GARRE1: variants seen among roughly 807,000 people sequenced by gnomAD.
GARRE1 encodes the protein granule associated Rac and RHOG effector protein 1.
In GARRE1, 49 loss-of-function variants were observed where a neutral mutation model predicts 103.2. The ratio of observed to expected loss-of-function variants is 0.47; its 90% CI spans 0.38 to 0.60. The LOEUF (loss-of-function observed/expected upper bound fraction) is 0.60, where lower values mean the gene tolerates loss of function less well. Ranked by LOEUF, GARRE1 falls within the 20% of genes least tolerant of loss-of-function variation. The pLI is 0.00. For missense variants in GARRE1, 1,199 were observed against 1,370.5 expected (o/e 0.87, Z 1.98); for synonymous variants, 505 against 532.8 (o/e 0.95, Z 0.72).
chr19:34,331,939 C>T (rs566244147), intron 7 of GARRE1, among the ~76,000 whole-genome samples: 2 of 150,706 alleles, frequency 1.3e-5, no homozygotes, highest in African/African-American at 2.4e-5. Flanking sequence ...TGCAGTGAGC[C>T]GAGATTGTGC....
chr19:34,259,188 T>C (rs1055778843), intron 1 of GARRE1, among the ~76,000 whole-genome samples: 1 of 152,172 alleles, frequency 6.6e-6, no homozygotes, highest in African/African-American at 2.4e-5. Flanking sequence ...AGTAAATAAA[T>C]AAATAAATAA....
At chr19:34,323,157 G>T (rs542644808) in intron 3 of GARRE1, among the ~76,000 whole-genome samples, 3 of 142,724 alleles carry the variant, frequency 2.1e-5, no homozygotes, top group African/African-American at 5.2e-5. Flanking sequence ...TCAGCCTCCC[G>T]CGTAGCTGGG....
chr19:34,336,582 C>T (rs2074162222), intron 8 of GARRE1, among the ~76,000 whole-genome samples: 2 of 151,862 alleles, frequency 1.3e-5, no homozygotes, highest in Admixed American at 1.3e-4. Context: ...ATTTTCCTGC[C>T]TCAGCTTCCT....
intron 10 of GARRE1, 112 bp downstream of exon 10, chr19:34,342,567 C>A: frequency 1.0e-6 from 1 of 983,362 alleles, no homozygotes. Flanking sequence ...TCATTTAATC[C>A]CCCTTTACGA....
At chr19:34,296,581 T>C in intron 1 of GARRE1, 1 of 1,579,758 alleles carries the variant, frequency 6.3e-7, no homozygotes, top group Non-Finnish European at 8.6e-7. Context: ...TGCATCTTCT[T>C]GAGGCCCTTC....
chr19:34,309,553 A>C (rs185049572), intron 2 of GARRE1, among the ~76,000 whole-genome samples: 12 of 152,282 alleles, frequency 7.9e-5, no homozygotes, highest in Admixed American at 4.6e-4. Flanking sequence ...CTGTGAGCCC[A>C]GGTCTCAAAC....
intron 8 of GARRE1, among the ~76,000 whole-genome samples, chr19:34,336,258 TG>T (rs2145275004): frequency 6.6e-6 from 1 of 152,316 alleles, no homozygotes; most frequent in Non-Finnish European, 1.5e-5. Context: ...CCCAAAGTGC[TG>T]GGATTGCAGG....
chr19:34,298,249 C>G (rs943379618), intron 1 of GARRE1, among the ~76,000 whole-genome samples: 11 of 151,536 alleles, frequency 7.3e-5, no homozygotes, highest in African/African-American at 2.7e-4. Context: ...AACCTCGTCT[C>G]TACAAAAAAT....
Position 34,347,123 on chromosome 19 carries a change from C to CT in GARRE1, c.2522-751dup, listed in dbSNP as rs201753312. ...TTTTTTTTTGAGACAGAGTCTCACT[C>CT]TTTCGCCCAGACTGGAGTGCAGTGG... On this transcript the variant is annotated intron_variant, in intron 10 of 13. Coordinates refer to ENST00000299505, the MANE Select transcript of GARRE1 (RefSeq NM_014686.5). Among the ~76,000 whole-genome samples the CT allele has an allele frequency of 5.5e-4, 83 of 150,854 alleles. 1 individual carries two copies. In the East Asian group the frequency reaches 0.016, roughly 28 times the overall value.
At chr19:34,293,917 C>T (rs2073932951) in intron 1 of GARRE1, among the ~76,000 whole-genome samples, 1 of 151,646 alleles carries the variant, frequency 6.6e-6, no homozygotes, top group Non-Finnish European at 1.5e-5. Context: ...CGTCACTACA[C>T]CTGGCTTATT....
intron 12 of GARRE1, among the ~76,000 whole-genome samples, chr19:34,350,718 A>T (rs928047912): frequency 6.6e-6 from 1 of 151,984 alleles, no homozygotes; most frequent in African/African-American, 2.4e-5. Context: ...AGTAGCTGGG[A>T]CTACAGGCGC....
chr19:34,351,670 A>G, intron 13 of GARRE1, 78 bp downstream of exon 13: 1 of 963,920 alleles, frequency 1.0e-6, no homozygotes, highest in Admixed American at 1.9e-5. Context: ...CAAAGTAATG[A>G]GGGATCTTCT....
intron 2 of GARRE1, among the ~76,000 whole-genome samples, chr19:34,312,345 T>C (rs182045613): frequency 6.6e-6 from 1 of 152,310 alleles, no homozygotes; most frequent in African/African-American, 2.4e-5. Flanking sequence ...TGTTCAGTAG[T>C]ATTAAGTACA....
intron 8 of GARRE1, among the ~76,000 whole-genome samples, chr19:34,339,314 C>T (rs1264987836): frequency 6.6e-6 from 1 of 152,190 alleles, no homozygotes; most frequent in Non-Finnish European, 1.5e-5. Context: ...TAATGGCTCA[C>T]AGAACTCAGT....
intron 3 of GARRE1, among the ~76,000 whole-genome samples, chr19:34,321,213 A>G (rs1007062273): frequency 7.6e-6 from 1 of 131,704 alleles, no homozygotes; most frequent in African/African-American, 2.8e-5. Flanking sequence ...CCCGCCACCA[A>G]GCCCGGCTAA....
rs527483169 is a variant in GARRE1 at position 34,254,812 on chromosome 19, T to C, written c.-796+198T>C. Among the ~76,000 whole-genome samples the C allele has an allele frequency of 1.3e-4, 20 of 149,294 alleles. No individual in the cohort carries two copies. The South Asian group carries it at 1.5e-3, about 11-fold the overall frequency. On this transcript the variant is annotated intron_variant, in intron 1 of 13. Coordinates refer to ENST00000299505, the MANE Select transcript of GARRE1 (RefSeq NM_014686.5). Reference sequence around the variant, plus strand: ...GCCCGCTGTGGAGGACGCCGGGCTTTGCGGGCGCTGGCCGGCCGACGGAAG... The same window carrying C: ...GCCCGCTGTGGAGGACGCCGGGCTTCGCGGGCGCTGGCCGGCCGACGGAAG...
chr19:34,299,051 C>G (rs372452615), intron 1 of GARRE1, among the ~76,000 whole-genome samples: 1 of 152,284 alleles, frequency 6.6e-6, no homozygotes, highest in African/African-American at 2.4e-5. Context: ...GCCAGCCACT[C>G]CCTTCTCCAG....
intron 10 of GARRE1, among the ~76,000 whole-genome samples, chr19:34,343,464 A>T (rs1017207137): frequency 6.6e-6 from 1 of 152,174 alleles, no homozygotes; most frequent in Admixed American, 6.5e-5. Flanking sequence ...AGACAGTACC[A>T]TCTAAGACTT....
chr19:34,312,985 G>T (rs1031507177), intron 2 of GARRE1, among the ~76,000 whole-genome samples: 6 of 152,142 alleles, frequency 3.9e-5, no homozygotes, highest in Non-Finnish European at 5.9e-5. Context: ...TTTAGCAGTT[G>T]TATTTTGCAT....
Sources: allele counts gnomAD v4.1 joint callset (sites outside exome capture counted in the v4.1 genomes callset), GRCh38; gene constraint gnomAD v4.1.1; transcripts MANE v1.5; gene names NCBI Gene and HGNC (gene_info 2026-07-23, HGNC 2026-07-21).